SND1: variants seen among roughly 807,000 people sequenced by gnomAD.
The protein encoded by SND1 is staphylococcal nuclease and tudor domain containing 1.
A neutral mutation model predicts 121.7 loss-of-function variants in SND1; 38 were observed. The observed-to-expected ratio is 0.31, with a 90% CI of 0.24 to 0.41. The LOEUF (loss-of-function observed/expected upper bound fraction) is 0.41, where lower values mean the gene tolerates loss of function less well. SND1 is among the 10% of genes least tolerant of loss of function. SND1 has a pLI of 1.00. For synonymous variants in SND1, 401 were observed against 447.4 expected, an observed-to-expected ratio of 0.90 and a Z score of 1.31; for missense variants, 868 against 1,184.6, an observed-to-expected ratio of 0.73 and a Z score of 3.92.
intron 9 of SND1, among the ~76,000 whole-genome samples, chr7:127,711,144 A>G (rs1313739221): frequency 6.6e-6 from 1 of 152,134 alleles, no homozygotes; most frequent in African/African-American, 2.4e-5. Context: ...CCTGTTTTAG[A>G]GCTGTCATCT....
intron 11 of SND1, among the ~76,000 whole-genome samples, chr7:127,839,815 T>C (rs748250527): frequency 2.0e-4 from 31 of 152,204 alleles, no homozygotes; most frequent in Non-Finnish European, 3.4e-4. Flanking sequence ...ATATTTGGCT[T>C]GCTTCATCTT....
intron 14 of SND1, among the ~76,000 whole-genome samples, chr7:127,906,554 G>A (rs778879538): frequency 3.9e-5 from 6 of 152,030 alleles, no homozygotes; most frequent in South Asian, 2.1e-4. Context: ...ATGAAAACCC[G>A]TCTACACAAA....
At chr7:127,915,033 T>C (rs1467998299) in intron 14 of SND1, among the ~76,000 whole-genome samples, 1 of 152,118 alleles carries the variant, frequency 6.6e-6, no homozygotes, top group Non-Finnish European at 1.5e-5. Context: ...TTATTTTTTT[T>C]TGAGACAGGA....
At chr7:127,770,839 A>C (rs1419032612) in intron 10 of SND1, among the ~76,000 whole-genome samples, 1 of 152,224 alleles carries the variant, frequency 6.6e-6, no homozygotes, top group Non-Finnish European at 1.5e-5. Flanking sequence ...AATTACATAA[A>C]ATGCGGTAGT....
At chr7:128,088,143 C>T (rs1393388840) in intron 21 of SND1, among the ~76,000 whole-genome samples, 1 of 152,154 alleles carries the variant, frequency 6.6e-6, no homozygotes, top group African/African-American at 2.4e-5. Flanking sequence ...TCACAAAACA[C>T]GTCGGTGAAG....
intron 16 of SND1, among the ~76,000 whole-genome samples, chr7:128,012,578 C>G (rs1334272861): frequency 6.6e-6 from 1 of 152,220 alleles, no homozygotes; most frequent in East Asian, 1.9e-4. Context: ...AGCTCTGCAT[C>G]CGTATGTGTA....
rs1796820892 is a variant in SND1, at chr7:127,738,494, G to A, written c.1152+17094G>A. On this transcript the variant is annotated intron_variant, in intron 10 of 23. Transcript: ENST00000354725. ...GGGTTTCACCACGTTGGCCAGGCTG[G>A]TCTTGAACTCCTGACCTCAGGTGAT... Among the ~76,000 whole-genome samples the A allele has an allele frequency of 3.9e-5, 6 of 152,132 alleles. No homozygotes were observed. In the South Asian group the frequency reaches 1.2e-3, roughly 32 times the overall value.
chr7:127,783,788 C>T (rs1797765120), intron 10 of SND1, among the ~76,000 whole-genome samples: 1 of 152,180 alleles, frequency 6.6e-6, no homozygotes, highest in Non-Finnish European at 1.5e-5. Flanking sequence ...GCCTTGAAGA[C>T]TTAAAAAATT....
At chr7:128,077,570 G>C (rs970350238) in intron 17 of SND1, among the ~76,000 whole-genome samples, 2 of 152,234 alleles carry the variant, frequency 1.3e-5, no homozygotes, top group Non-Finnish European at 2.9e-5. Flanking sequence ...GGCCACCGGG[G>C]GTACCAGCAG....
At chr7:128,027,808 C>T (rs1389667985) in intron 16 of SND1, 1 of 145,240 alleles carries the variant, frequency 6.9e-6, no homozygotes, top group Non-Finnish European at 1.5e-5. Flanking sequence ...TCCCTTCCCA[C>T]CCCCCTGCTG....
intron 15 of SND1, among the ~76,000 whole-genome samples, chr7:127,930,341 G>A (rs898221671): frequency 5.3e-5 from 8 of 152,116 alleles, no homozygotes; most frequent in Non-Finnish European, 1.2e-4. Flanking sequence ...CTGCCAGATC[G>A]CCTTGGCCTC....
chr7:127,862,891 CTGGACTTG>C (rs1356027867), intron 12 of SND1, among the ~76,000 whole-genome samples: 6 of 152,224 alleles, frequency 3.9e-5, no homozygotes, highest in African/African-American at 1.4e-4. Context: ...TCCTAGATCT[CTGGACTTG>C]TGAAGTCAAG....
intron 12 of SND1, among the ~76,000 whole-genome samples, chr7:127,862,621 G>A (rs1465615558): frequency 1.3e-5 from 2 of 152,156 alleles, no homozygotes; most frequent in Non-Finnish European, 2.9e-5. Context: ...CATTAATCCT[G>A]GTATTCTGGG....
rs1799307088 is a variant in SND1, at chr7:127,857,705, A to C, written c.1343+13281A>C. The C allele has an allele frequency of 1.2e-5, 7 of 584,744 alleles. No homozygotes were observed. In the East Asian group the frequency reaches 1.4e-4, roughly 12 times the overall value. 36.2% of individuals were successfully genotyped at this position (584,744 alleles called of 1,614,324 possible). ...CTCGCTTCTGGCCATCAGCACAGCC[A>C]AGGCCCCACAACTAAAGGCTTTTAT... On this transcript the variant is annotated intron_variant, in intron 12 of 23. Transcript: ENST00000354725.
chr7:127,817,400 C>T, intron 11 of SND1, among the ~76,000 whole-genome samples: 1 of 152,158 alleles, frequency 6.6e-6, no homozygotes, highest in East Asian at 1.9e-4. Flanking sequence ...TCTTTCTCTG[C>T]TTATAGACTT....
intron 8 of SND1, among the ~76,000 whole-genome samples, chr7:127,706,555 GC>G (rs1364379310): frequency 6.6e-6 from 1 of 152,002 alleles, no homozygotes; most frequent in Non-Finnish European, 1.5e-5. Context: ...ACTGTGCCTG[GC>G]CCAGTATCTT....
intron 12 of SND1, among the ~76,000 whole-genome samples, chr7:127,859,244 A>T (rs1030205129): frequency 1.3e-5 from 2 of 152,168 alleles, no homozygotes; most frequent in African/African-American, 4.8e-5. Flanking sequence ...TTTCCCAGAG[A>T]CACAGAGAGC....
In SND1 at chr7:127,707,600, G is replaced by T. The variant is rs778564193; in HGVS notation, c.991G>T (p.Ala331Ser). The T allele has an allele frequency of 3.8e-5, 61 of 1,614,002 alleles. No homozygotes were observed. Among genetic ancestry groups the T allele is most frequent in the Non-Finnish European group, 4.9e-5 (58 of 1,179,988 alleles). Reference protein sequence around the residue: ...RRLRIWRDYVAPTANLDQKDK... With the variant: ...RRLRIWRDYVSPTANLDQKDK... The stretch of plus-strand genomic sequence containing the variant: ...GCTGAGAATATGGAGAGACTATGTG[G>T]CTCCCACAGCTAATTTGGACCAAAA... The change falls in exon 9 of 24, where the codon GCT (alanine) becomes TCT (serine). Residue 331 changes from alanine (A) to serine (S), a missense_variant. By Grantham distance (99) the Ala-to-Ser change is moderately conservative (BLOSUM62 1). Around this residue, in one of 2 missense-constraint regions of SND1, gnomAD observed 743 missense variants for 1,071.3 expected, o/e 0.69. Coordinates refer to ENST00000354725, the MANE Select transcript of SND1 (RefSeq NM_014390.4).
intron 17 of SND1, among the ~76,000 whole-genome samples, chr7:128,075,947 G>T (rs751477451): frequency 5.3e-5 from 8 of 152,320 alleles, no homozygotes; most frequent in Non-Finnish European, 8.8e-5. Context: ...GCAGGGAGAG[G>T]GGGGGAGGGG....
Sources: gnomAD v4.1 joint callset for allele counts (sites outside exome capture counted in the v4.1 genomes callset) on GRCh38, gnomAD v4.1.1 for gene constraint, gnomAD v4.1.1 regional missense constraint, MANE v1.5 for transcripts, NCBI Gene and HGNC (gene_info 2026-07-23, HGNC 2026-07-21) for gene names.